NEGR1: variants seen among roughly 807,000 people sequenced by gnomAD.
NEGR1 encodes IgLON family member 4.
NEGR1 carries 10 observed loss-of-function variants against 40.9 expected under a neutral mutation model. That is an observed-to-expected ratio of 0.24 (90% CI 0.15 to 0.42). NEGR1 has a LOEUF of 0.42. Among genes scored for constraint, NEGR1 ranks in the 10% least tolerant of loss-of-function variants. The pLI, the probability that NEGR1 is intolerant of heterozygous loss-of-function variation, is 1.00. For missense variants in NEGR1, 352 were observed against 438.9 expected, an observed-to-expected ratio of 0.80 and a Z score of 1.77; for synonymous variants, 185 against 166.8, an observed-to-expected ratio of 1.11 and a Z score of -0.84.
At chr1:71,718,681 T>C (rs906652448) in intron 3 of NEGR1, among the ~76,000 whole-genome samples, 1 of 152,188 alleles carries the variant, frequency 6.6e-6, no homozygotes, top group Non-Finnish European at 1.5e-5. Flanking sequence ...CAAATAGCAC[T>C]GAAAGTATCA....
At chr1:71,535,231 G>A (rs1647477912) in intron 6 of NEGR1, among the ~76,000 whole-genome samples, 1 of 151,588 alleles carries the variant, frequency 6.6e-6, no homozygotes, top group Non-Finnish European at 1.5e-5. Context: ...CCGTAACTTG[G>A]ACATGTGATC....
intron 1 of NEGR1, among the ~76,000 whole-genome samples, chr1:71,975,966 G>C (rs1362230067): frequency 1.3e-5 from 2 of 152,192 alleles, no homozygotes; most frequent in African/African-American, 4.8e-5. Context: ...CCTGAGTGCA[G>C]AGCTTTAGAC....
At chr1:71,572,993 A>G (rs982812058) in intron 6 of NEGR1, among the ~76,000 whole-genome samples, 1 of 152,246 alleles carries the variant, frequency 6.6e-6, no homozygotes, top group Admixed American at 6.5e-5. Context: ...CTCCAGAGGC[A>G]GAATTCTTAT....
chr1:71,451,251 T>C (rs1207735318), intron 6 of NEGR1, among the ~76,000 whole-genome samples: 1 of 152,196 alleles, frequency 6.6e-6, no homozygotes, highest in Non-Finnish European at 1.5e-5. Context: ...TCTGAGGTTT[T>C]TTTACTTTAG....
chr1:72,142,118 C>T (rs1650699824), intron 1 of NEGR1, among the ~76,000 whole-genome samples: 1 of 151,874 alleles, frequency 6.6e-6, no homozygotes, highest in African/African-American at 2.4e-5. Context: ...GGAGAAGGCC[C>T]GTACTTCATC....
intron 1 of NEGR1, among the ~76,000 whole-genome samples, chr1:72,239,190 C>A (rs1307247765): frequency 6.6e-6 from 1 of 151,756 alleles, no homozygotes; most frequent in Non-Finnish European, 1.5e-5. Flanking sequence ...ACAGAAACTA[C>A]AGTTTTGATA....
chr1:71,470,797 CTA>C (rs1480295802), intron 6 of NEGR1, among the ~76,000 whole-genome samples: 2 of 152,114 alleles, frequency 1.3e-5, no homozygotes, highest in Non-Finnish European at 2.9e-5. Flanking sequence ...GAAGAACCAG[CTA>C]TAGTCATTCA....
chr1:71,979,725 AG>A (rs767799310), intron 1 of NEGR1, among the ~76,000 whole-genome samples: 1 of 152,150 alleles, frequency 6.6e-6, no homozygotes, highest in Non-Finnish European at 1.5e-5. Flanking sequence ...GTTTATTCTG[AG>A]GTGGTGAGCA....
intron 6 of NEGR1, among the ~76,000 whole-genome samples, chr1:71,562,712 A>C (rs894899209): frequency 6.6e-6 from 1 of 151,910 alleles, no homozygotes; most frequent in African/African-American, 2.4e-5. Flanking sequence ...GTGTAGGTAA[A>C]AGCAGTGATT....
At chr1:71,847,394 G>A (rs901514768) in intron 2 of NEGR1, among the ~76,000 whole-genome samples, 15 of 152,056 alleles carry the variant, frequency 9.9e-5, no homozygotes, top group Admixed American at 7.2e-4. Context: ...TGTGTCCAGC[G>A]AGTCTATCAG....
At chr1:71,802,116 G>T (rs915704862) in intron 2 of NEGR1, among the ~76,000 whole-genome samples, 1 of 152,160 alleles carries the variant, frequency 6.6e-6, no homozygotes, top group Non-Finnish European at 1.5e-5. Flanking sequence ...TAGCTGAAAA[G>T]ATTTCTAAGC....
intron 1 of NEGR1, among the ~76,000 whole-genome samples, chr1:72,210,470 A>C (rs74653947): frequency 0.2 from 30,857 of 151,866 alleles, 3,721 homozygotes; most frequent in South Asian, 0.28. Context: ...TTTTCATGGA[A>C]AACCATTATT....
At chr1:72,167,604 T>C (rs1447743188) in intron 1 of NEGR1, among the ~76,000 whole-genome samples, 1 of 152,140 alleles carries the variant, frequency 6.6e-6, no homozygotes, top group Non-Finnish European at 1.5e-5. Context: ...ATTTCTATTA[T>C]TTCTTATTGT....
intron 6 of NEGR1, among the ~76,000 whole-genome samples, chr1:71,500,509 C>T (rs1214515469): frequency 6.6e-6 from 1 of 152,004 alleles, no homozygotes; most frequent in Admixed American, 6.6e-5. Flanking sequence ...TCTTCTTTGC[C>T]TGTGTAAACC....
At chr1:71,421,592 C>G (rs561797070) in intron 6 of NEGR1, 1 of 152,020 alleles carries the variant, frequency 6.6e-6, no homozygotes, top group Non-Finnish European at 1.5e-5. Context: ...TACATGTGTT[C>G]TAACATACAT....
At chr1:72,189,295 A>T (rs892493394) in intron 1 of NEGR1, among the ~76,000 whole-genome samples, 2 of 151,556 alleles carry the variant, frequency 1.3e-5, no homozygotes, top group Admixed American at 6.6e-5. Context: ...ATTTACTATG[A>T]AGTACAACTG....
intron 1 of NEGR1, among the ~76,000 whole-genome samples, chr1:72,131,488 A>G (rs1464876090): frequency 6.6e-6 from 1 of 152,210 alleles, no homozygotes; most frequent in Non-Finnish European, 1.5e-5. Flanking sequence ...ATATTCTCAC[A>G]AATATCTTAT....
chr1:71,762,299 T>C (rs1261140362), intron 3 of NEGR1, among the ~76,000 whole-genome samples: 1 of 149,502 alleles, frequency 6.7e-6, no homozygotes, highest in African/African-American at 2.4e-5. Context: ...AAAGAAAAAG[T>C]CAGACTTAAG....
rs115214363 is a variant in NEGR1 at position 71,894,980 on chromosome 1, C to T, written c.409+40099G>A. 8.7e-3 allele frequency among the ~76,000 whole-genome samples: 1,326 copies of T among 152,004 alleles called. 16 individuals carry two copies. The highest frequency in any genetic ancestry group is 0.031 in the African/African-American group (1,272 of 41,450). ...AATCCATACTATGAAATAATCTATACACAATTTACTAACATTTATAGAAAA... is the reference window on the plus strand; with the variant it reads ...AATCCATACTATGAAATAATCTATATACAATTTACTAACATTTATAGAAAA... On this transcript the variant is annotated intron_variant, in intron 2 of 6. Coordinates refer to ENST00000357731, the MANE Select transcript of NEGR1 (RefSeq NM_173808.3).
Sources: allele counts gnomAD v4.1 joint callset (sites outside exome capture counted in the v4.1 genomes callset), GRCh38; gene constraint gnomAD v4.1.1; transcripts MANE v1.5; gene names NCBI Gene and HGNC (gene_info 2026-07-23, HGNC 2026-07-21).